The following WLS variants were observed in gnomAD, a reference collection of about 807,000 sequenced individuals.
WLS encodes the protein protein wntless homolog.
WLS carries 23 observed loss-of-function variants against 62.8 expected under a neutral mutation model. The observed-to-expected ratio is 0.37, with a 90% CI of 0.26 to 0.52. WLS has a LOEUF of 0.52. WLS is among the 20% of genes least tolerant of loss of function. The pLI is 0.92. For missense variants in WLS, 615 were observed against 697.3 expected, an observed-to-expected ratio of 0.88 and a Z score of 1.33; for synonymous variants, 246 against 244.1, an observed-to-expected ratio of 1.01 and a Z score of -0.07.
intron 5 of WLS, among the ~76,000 whole-genome samples, chr1:68,153,147 C>G (rs1389115212): frequency 6.6e-6 from 1 of 152,064 alleles, no homozygotes; most frequent in African/African-American, 2.4e-5. Flanking sequence ...GGGAAGCATA[C>G]ACCTGTGGTT....
chr1:68,168,133 G>A (rs1252912151), intron 2 of WLS, among the ~76,000 whole-genome samples: 5 of 152,082 alleles, frequency 3.3e-5, no homozygotes, highest in Non-Finnish European at 7.4e-5. Context: ...GAAATCGCTA[G>A]GAAAGAGGTC....
At chr1:68,221,243 CA>C (rs1649929187) in intron 1 of WLS, among the ~76,000 whole-genome samples, 1 of 152,144 alleles carries the variant, frequency 6.6e-6, no homozygotes, top group Admixed American at 6.6e-5. Context: ...TTCTGAAATT[CA>C]GGGGGAGGCA....
chr1:68,133,664 G>T (rs1272763965), intron 11 of WLS, among the ~76,000 whole-genome samples: 1 of 152,196 alleles, frequency 6.6e-6, no homozygotes, highest in African/African-American at 2.4e-5. Context: ...TCTTTGGAAA[G>T]TGACCTTGTC....
At chr1:68,198,835 C>T (rs539681200) in intron 1 of WLS, among the ~76,000 whole-genome samples, 34 of 152,292 alleles carry the variant, frequency 2.2e-4, no homozygotes, top group Non-Finnish European at 4.0e-4. Flanking sequence ...ATCCAGTCAT[C>T]GTTACAACAT....
Position 68,170,169 on chromosome 1 carries a change from T to C in WLS, c.380-10922A>G, listed in dbSNP as rs1036883123. Among the ~76,000 whole-genome samples the C allele has an allele frequency of 6.0e-3, 878 of 145,804 alleles. 20 individuals carry two copies. Among genetic ancestry groups the C allele is most frequent in the African/African-American group, 0.021 (836 of 39,488 alleles). ...ATGCTGGCTACTATTTCTTTTTTTT[T>C]TTTTTTTTTTTTTGAGATGGAGTTT... is the stretch of plus-strand genomic sequence containing the variant. On this transcript the variant is annotated intron_variant, in intron 2 of 11. Transcript: ENST00000262348.
At chr1:68,140,900 A>G (rs1343906753) in intron 10 of WLS, among the ~76,000 whole-genome samples, 3 of 152,018 alleles carry the variant, frequency 2.0e-5, no homozygotes, top group Non-Finnish European at 4.4e-5. Context: ...CCAAAATCTT[A>G]CTAATGCCAA....
intron 2 of WLS, among the ~76,000 whole-genome samples, chr1:68,168,056 C>T (rs1456432189): frequency 6.6e-6 from 1 of 152,030 alleles, no homozygotes; most frequent in Non-Finnish European, 1.5e-5. Flanking sequence ...TTTCTGCAGG[C>T]AAGTGGAAAG....
intron 2 of WLS, among the ~76,000 whole-genome samples, chr1:68,189,231 C>T (rs1283090782): frequency 1.3e-5 from 2 of 152,060 alleles, no homozygotes; most frequent in African/African-American, 4.8e-5. Context: ...TCTCTCATTG[C>T]CCCAAGGTGC....
chr1:68,168,165 G>T (rs1420629591), intron 2 of WLS, among the ~76,000 whole-genome samples: 1 of 152,050 alleles, frequency 6.6e-6, no homozygotes, highest in Non-Finnish European at 1.5e-5. Flanking sequence ...AGAAATCTAG[G>T]GCAGCTGCTT....
intron 1 of WLS, among the ~76,000 whole-genome samples, chr1:68,217,582 G>A (rs761823937): frequency 2.6e-5 from 4 of 152,196 alleles, no homozygotes; most frequent in Admixed American, 1.3e-4. Flanking sequence ...ACCCCAAACT[G>A]ACTGAAGAAT....
At chr1:68,123,510 G>A (rs997929703), downstream of WLS, among the ~76,000 whole-genome samples, 3 of 151,800 alleles carry the variant, frequency 2.0e-5, no homozygotes, top group African/African-American at 7.3e-5. Context: ...TGCCCAATCT[G>A]CTGGACCCCT....
At chr1:68,098,588 C>T (rs937750587) in exon 12 of WLS, 1 of 1,606,734 alleles carries the variant, frequency 6.2e-7, no homozygotes, top group Admixed American at 1.7e-5. Flanking sequence ...GTGACTGTGA[C>T]AACTGCAAAT....
At chr1:68,214,445 A>G (rs1571024748) in intron 1 of WLS, among the ~76,000 whole-genome samples, 1 of 151,790 alleles carries the variant, frequency 6.6e-6, no homozygotes, top group African/African-American at 2.4e-5. Flanking sequence ...GCTCACTGCA[A>G]CCTCTGCCTC....
rs184227535 is a variant in WLS, at chr1:68,108,847, G to A, written c.1511-10094C>T. 6.6e-5 allele frequency among the ~76,000 whole-genome samples: 10 copies of A among 152,050 alleles called. No individual in the cohort carries two copies. The East Asian group carries it at 1.2e-3, about 18-fold the overall frequency. On this transcript the variant is annotated intron_variant, in intron 11 of 11. Coordinates refer to the WLS transcript ENST00000354777. ...AAAATTGGCACACTAAAGATACCAC[G>A]GACCCAGAGAAAGGCCAAAAAATAT...
intron 11 of WLS, among the ~76,000 whole-genome samples, chr1:68,101,500 A>C (rs557080189): frequency 1.1e-4 from 16 of 152,328 alleles, no homozygotes; most frequent in African/African-American, 3.8e-4. Context: ...CGATAGGATC[A>C]CATGAAGCGT....
At chr1:68,220,895 C>T (rs1470780639) in intron 1 of WLS, among the ~76,000 whole-genome samples, 1 of 152,128 alleles carries the variant, frequency 6.6e-6, no homozygotes, top group Non-Finnish European at 1.5e-5. Context: ...ATTACTGTTT[C>T]ATATATACAT....
At chr1:68,231,603 C>G (rs1468749385) in intron 1 of WLS, 1 of 389,282 alleles carries the variant, frequency 2.6e-6, no homozygotes, top group African/African-American at 2.1e-5. Flanking sequence ...CACGGCAGAG[C>G]GTGGGGTGGA....
chr1:68,182,474 T>C (rs151040228), intron 2 of WLS, among the ~76,000 whole-genome samples: 238 of 152,358 alleles, frequency 1.6e-3, no homozygotes, highest in African/African-American at 5.4e-3. Flanking sequence ...GTCCCTAATC[T>C]TCTCTATCCT....
At chr1:68,190,690 T>G (rs1264348502) in intron 2 of WLS, among the ~76,000 whole-genome samples, 1 of 152,274 alleles carries the variant, frequency 6.6e-6, no homozygotes, top group East Asian at 1.9e-4. Context: ...AACAGCTTAA[T>G]TGCAACCTTG....
Sources: gnomAD v4.1 joint callset for allele counts (sites outside exome capture counted in the v4.1 genomes callset) on GRCh38, gnomAD v4.1.1 for gene constraint, MANE v1.5 for transcripts, NCBI Gene and HGNC (gene_info 2026-07-23, HGNC 2026-07-21) for gene names.